Variants in HIVEP1 observed in about 807,000 individuals in gnomAD.
HIVEP1 encodes the protein zinc finger protein 40.
Under a neutral mutation model 180.0 loss-of-function variants are expected in HIVEP1, and 36 were observed. The observed-to-expected ratio is 0.20, with a 90% CI of 0.15 to 0.26. The LOEUF is 0.26. Ranked by LOEUF, HIVEP1 falls within the 10% of genes least tolerant of loss-of-function variation. The pLI is 1.00. For missense variants in HIVEP1, 3,143 were observed against 3,268.7 expected (o/e 0.96, Z 0.94); for synonymous variants, 1,239 against 1,239.0 (o/e 1.00, Z 0.00).
At chr6:12,039,160 G>A (rs1040797021) in intron 2 of HIVEP1, 4 of 152,172 alleles carry the variant, frequency 2.6e-5, no homozygotes, top group African/African-American at 9.7e-5. Context: ...CTGTGATTAT[G>A]TAAAAAACCA....
At chr6:12,098,494 T>C (rs1773900759) in intron 3 of HIVEP1, among the ~76,000 whole-genome samples, 3 of 152,222 alleles carry the variant, frequency 2.0e-5, no homozygotes. Context: ...GAGTGACTTA[T>C]AAGGATAATA....
At chr6:12,126,287 G>T (rs996655963) in intron 4 of HIVEP1, among the ~76,000 whole-genome samples, 1 of 152,056 alleles carries the variant, frequency 6.6e-6, no homozygotes, top group Non-Finnish European at 1.5e-5. Context: ...AAAGATAGTT[G>T]TATTTCATCC....
intron 2 of HIVEP1, among the ~76,000 whole-genome samples, chr6:12,080,911 T>C (rs1772746533): frequency 6.6e-6 from 1 of 152,184 alleles, no homozygotes; most frequent in Non-Finnish European, 1.5e-5. Context: ...CCATAACCAC[T>C]CTGGATCTTC....
chr6:12,013,212 C>G (rs1227906122), intron 1 of HIVEP1, among the ~76,000 whole-genome samples: 1 of 152,240 alleles, frequency 6.6e-6, no homozygotes, highest in African/African-American at 2.4e-5. Flanking sequence ...TTCCATTCCC[C>G]CCCTCCTCCT....
At chr6:12,042,157 G>A (rs1248363497) in intron 2 of HIVEP1, among the ~76,000 whole-genome samples, 1 of 145,694 alleles carries the variant, frequency 6.9e-6, no homozygotes, top group Non-Finnish European at 1.5e-5. Context: ...TCGGCTCACT[G>A]CAAGCTCCGC....
chr6:12,121,223 C>G lies in HIVEP1; in HGVS notation c.1428C>G (p.Ser476=), dbSNP rs759409658. The G allele has an allele frequency of 6.2e-7, 1 of 1,613,942 alleles. No individual in the cohort carries two copies. Among genetic ancestry groups the G allele is most frequent in the Non-Finnish European group, 8.5e-7 (1 of 1,180,024 alleles). The change falls in exon 4 of 9, where the codon TCC becomes TCG. Residue 476 remains serine, a synonymous_variant. Transcript: ENST00000379388. The surrounding 1 kb of genome is among the most constrained non-coding windows in gnomAD (Gnocchi z 5.3). The part of the protein sequence containing the change: ...LQPDAGGLFL[S]HESPKALSIH... ...CAGATGCTGGTGGCTTGTTCTTGTCCCACGAGTCCCCCAAAGCACTTAGTA... is the reference window on the plus strand; with the variant it reads ...CAGATGCTGGTGGCTTGTTCTTGTCGCACGAGTCCCCCAAAGCACTTAGTA...
intron 1 of HIVEP1, among the ~76,000 whole-genome samples, chr6:12,015,055 C>G (rs1220292844): frequency 6.6e-6 from 1 of 152,238 alleles, no homozygotes; most frequent in Non-Finnish European, 1.5e-5. Flanking sequence ...TCCTGGGAAA[C>G]ACAGGGAAGC....
chr6:12,147,779 C>A (rs1358607407), intron 7 of HIVEP1, among the ~76,000 whole-genome samples: 1 of 152,114 alleles, frequency 6.6e-6, no homozygotes, highest in African/African-American at 2.4e-5. Flanking sequence ...ATGATTTTCC[C>A]TTGTGATATC....
At chr6:12,035,631 A>G (rs1769229442) in intron 2 of HIVEP1, among the ~76,000 whole-genome samples, 1 of 152,210 alleles carries the variant, frequency 6.6e-6, no homozygotes, top group Non-Finnish European at 1.5e-5. Flanking sequence ...TTATTTGTAT[A>G]CCCACATAAG....
At chr6:12,113,504 C>G (rs1332638509) in intron 3 of HIVEP1, among the ~76,000 whole-genome samples, 1 of 151,714 alleles carries the variant, frequency 6.6e-6, no homozygotes, top group Non-Finnish European at 1.5e-5. Flanking sequence ...AGTCAGATGT[C>G]CCTGCAGTCT....
At position 12,030,233 on chromosome 6, in the gene HIVEP1, C is replaced by A. The variant is rs186899434; in HGVS notation, c.40+14565C>A. On this transcript the variant is annotated intron_variant, in intron 2 of 8. Coordinates refer to ENST00000379388, the MANE Select transcript of HIVEP1 (RefSeq NM_002114.4). ...TTCTTTCCATTTGTTTCTCATCTTT[C>A]TCCAATTTGAATGTGATGTGCTTAG... Among the ~76,000 whole-genome samples the A allele has an allele frequency of 2.6e-5, 4 of 152,170 alleles. No individual in the cohort carries two copies. The East Asian group carries it at 7.7e-4, about 29-fold the overall frequency.
chr6:12,049,712 C>T (rs1225370008), intron 2 of HIVEP1, among the ~76,000 whole-genome samples: 1 of 152,156 alleles, frequency 6.6e-6, no homozygotes, highest in African/African-American at 2.4e-5. Flanking sequence ...TATTTAAAAA[C>T]AAATTTGTGG....
At chr6:12,077,271 G>C (rs1432510047) in intron 2 of HIVEP1, among the ~76,000 whole-genome samples, 1 of 152,174 alleles carries the variant, frequency 6.6e-6, no homozygotes, top group Non-Finnish European at 1.5e-5. Context: ...CCTGCAAAAG[G>C]TATTTAATTT....
intron 3 of HIVEP1, 37 bp downstream of exon 3, chr6:12,089,274 T>C: frequency 8.6e-7 from 1 of 1,168,276 alleles, no homozygotes; most frequent in Non-Finnish European, 1.3e-6. Context: ...ACTTTATTCT[T>C]GCAATGATGC....
chr6:12,124,880 T>C lies in HIVEP1; in HGVS notation c.5085T>C (p.Asn1695=), dbSNP rs1251080804. The C allele has an allele frequency of 6.2e-7, 1 of 1,614,202 alleles. No individual in the cohort carries two copies. Among genetic ancestry groups the C allele is most frequent in the Admixed American group, 1.7e-5 (1 of 60,020 alleles). Residue 1695 remains asparagine (N), a synonymous_variant, in exon 4 of 9, where the codon AAT becomes AAC. Coordinates refer to ENST00000379388, the MANE Select transcript of HIVEP1 (RefSeq NM_002114.4). ...SVPTLQKGHQ[N]ALPNPEKEFL... ...CAACATTACAAAAAGGTCATCAGAATGCTTTGCCAAACCCAGAGAAGGAAT... is the reference window on the plus strand; with the variant it reads ...CAACATTACAAAAAGGTCATCAGAACGCTTTGCCAAACCCAGAGAAGGAAT...
intron 2 of HIVEP1, among the ~76,000 whole-genome samples, chr6:12,055,173 G>C (rs1770778052): frequency 6.6e-6 from 1 of 152,230 alleles, no homozygotes; most frequent in African/African-American, 2.4e-5. Flanking sequence ...AAACAGGAAA[G>C]AAAATTCTTC....
downstream of HIVEP1, among the ~76,000 whole-genome samples, chr6:12,167,636 T>TTAC (rs1562023564): frequency 3.6e-5 from 1 of 27,570 alleles, no homozygotes; most frequent in Non-Finnish European, 6.3e-5. Context: ...ACATGTTATA[T>TTAC]ATACATATAC....
chr6:12,165,143 T>C (rs770306171), downstream of HIVEP1: 2 of 514,780 alleles, frequency 3.9e-6, no homozygotes, highest in African/African-American at 1.9e-5. Context: ...CTTTCTACCA[T>C]GTGAAACTGT....
At chr6:12,118,474 T>C (rs975364469) in intron 3 of HIVEP1, among the ~76,000 whole-genome samples, 1 of 152,214 alleles carries the variant, frequency 6.6e-6, no homozygotes, top group African/African-American at 2.4e-5. Context: ...CAAGTAATTA[T>C]TGCTCAAAAA....
Sources: allele counts gnomAD v4.1 joint callset (sites outside exome capture counted in the v4.1 genomes callset), GRCh38; gene constraint gnomAD v4.1.1; non-coding constraint Gnocchi (gnomAD v3.1); transcripts MANE v1.5; gene names NCBI Gene and HGNC (gene_info 2026-07-23, HGNC 2026-07-21).